GSE1: variants seen among roughly 807,000 people sequenced by gnomAD.
The protein encoded by GSE1 is Gse1 coiled-coil protein, also known as genetic suppressor element 1.
A neutral mutation model predicts 112.6 loss-of-function variants in GSE1; 32 were observed. That is an observed-to-expected ratio of 0.28 (90% CI 0.21 to 0.38). The LOEUF is 0.38. Ranked by LOEUF, GSE1 falls within the 10% of genes least tolerant of loss-of-function variation. The pLI is 1.00. For missense variants in GSE1, 2,348 were observed against 1,699.2 expected, an observed-to-expected ratio of 1.38 and a Z score of -6.71; for synonymous variants, 1,115 against 735.6, an observed-to-expected ratio of 1.52 and a Z score of -8.35.
At chr16:85,359,632 C>T (rs1269618386) in intron 2 of GSE1, among the ~76,000 whole-genome samples, 1 of 152,234 alleles carries the variant, frequency 6.6e-6, no homozygotes, top group Non-Finnish European at 1.5e-5. Context: ...GCCTTTTTCC[C>T]ACTCATGTTG....
At chr16:85,347,914 G>A (rs944422697) in intron 1 of GSE1, among the ~76,000 whole-genome samples, 1 of 152,188 alleles carries the variant, frequency 6.6e-6, no homozygotes, top group African/African-American at 2.4e-5. Context: ...AGCAGCCCTC[G>A]AGGCCTTGAA....
At chr16:85,415,733 G>A (rs895500180) in intron 2 of GSE1, among the ~76,000 whole-genome samples, 3 of 152,230 alleles carry the variant, frequency 2.0e-5, no homozygotes, top group Non-Finnish European at 2.9e-5. Context: ...AGAAACTTAC[G>A]GCTTGTTCCC....
intron 14 of GSE1, among the ~76,000 whole-genome samples, chr16:85,669,638 C>T (rs1161992285): frequency 6.6e-6 from 1 of 152,180 alleles, no homozygotes; most frequent in Non-Finnish European, 1.5e-5. Flanking sequence ...ATATTTCCAT[C>T]TTTGCTGGTT....
At chr16:85,472,217 A>T (rs983742724) in intron 2 of GSE1, among the ~76,000 whole-genome samples, 1 of 152,158 alleles carries the variant, frequency 6.6e-6, no homozygotes, top group Admixed American at 6.6e-5. Context: ...AATGACCATA[A>T]ACTGGGTAGC....
At position 85,661,269 on chromosome 16, in the gene GSE1, G is replaced by A; in HGVS notation, c.1764G>A (p.Val588=). The part of the protein sequence containing the change: ...HAAPTALWNP[V]SLMDNTLETR... ...CACCCACGGCCCTCTGGAACCCCGT[G>A]TCCCTGATGGACAACACCTTGGAGA... The change falls in exon 9 of 16, where the codon GTG becomes GTA. Residue 588 remains valine, a synonymous_variant. Transcript: ENST00000253458. The A allele has an allele frequency of 1.2e-6, 2 of 1,612,944 alleles. No homozygotes were observed. The highest frequency in any genetic ancestry group is 1.7e-6 in the Non-Finnish European group (2 of 1,179,990).
At chr16:85,637,763 G>A (rs904927962) in intron 2 of GSE1, among the ~76,000 whole-genome samples, 9 of 150,978 alleles carry the variant, frequency 6.0e-5, no homozygotes, top group Non-Finnish European at 1.3e-4. Flanking sequence ...GGGAGACCGG[G>A]CCTCTGTGAA....
intron 1 of GSE1, among the ~76,000 whole-genome samples, chr16:85,202,980 C>T (rs1244191804): frequency 1.1e-4 from 17 of 150,158 alleles, no homozygotes; most frequent in African/African-American, 3.9e-4. Context: ...TCCCTCCCCA[C>T]CTCTACCCCC....
At chr16:85,285,682 CAAAA>C (rs36070534) in intron 1 of GSE1, 37 of 69,818 alleles carry the variant, frequency 5.3e-4, no homozygotes, top group African/African-American at 1.0e-3. Context: ...AACTCTGTCT[CAAAA>C]AAAAAAAAAA....
rs539399992 is a variant in GSE1, at chr16:85,539,217, C to T, written c.2465-94697C>T. 3.9e-5 allele frequency among the ~76,000 whole-genome samples: 6 copies of T among 152,332 alleles called. No homozygotes were observed. The East Asian group carries it at 1.2e-3, about 29-fold the overall frequency. The stretch of plus-strand genomic sequence containing the variant: ...CCGTTTGAACAACAAATGCAAAAAG[C>T]CTGGATCTCTCCACCGCAGTGTCTA... On this transcript the variant is annotated intron_variant, in intron 2 of 2. Coordinates refer to the GSE1 transcript ENST00000637419.
chr16:85,455,625 A>C (rs1406461210), intron 2 of GSE1, among the ~76,000 whole-genome samples: 1 of 152,138 alleles, frequency 6.6e-6, no homozygotes, highest in Admixed American at 6.5e-5. Flanking sequence ...CCCCGTTTGG[A>C]ATTGATGGCT....
At chr16:85,327,706 AT>A (rs1296711844) in intron 1 of GSE1, among the ~76,000 whole-genome samples, 1 of 152,238 alleles carries the variant, frequency 6.6e-6, no homozygotes, top group Non-Finnish European at 1.5e-5. Context: ...TCTGGCACAC[AT>A]TGTGTTTGTT....
exon 1 of GSE1, chr16:85,170,375 T>G (rs1412850680): frequency 1.8e-5 from 18 of 985,214 alleles, no homozygotes; most frequent in Non-Finnish European, 2.2e-5. Context: ...GGCCCTCTTG[T>G]CCAAGAGGCC....
chr16:85,315,003 C>T (rs934275506), intron 1 of GSE1, among the ~76,000 whole-genome samples: 3 of 152,238 alleles, frequency 2.0e-5, no homozygotes, highest in Admixed American at 6.5e-5. Flanking sequence ...TGTTTGCAAT[C>T]AGGGCCAGCT....
intron 1 of GSE1, among the ~76,000 whole-genome samples, chr16:85,288,863 A>C (rs1302064005): frequency 6.6e-6 from 1 of 152,106 alleles, no homozygotes; most frequent in African/African-American, 2.4e-5. Flanking sequence ...GTGGGGGTAA[A>C]ATTCAGTCCC....
At chr16:85,628,025 G>A (rs1038709832) in intron 1 of GSE1, among the ~76,000 whole-genome samples, 1 of 152,162 alleles carries the variant, frequency 6.6e-6, no homozygotes, top group African/African-American at 2.4e-5. Context: ...TCCCCACCAG[G>A]CCTGGAGGGG....
At chr16:85,527,445 G>A (rs1288460632) in intron 2 of GSE1, among the ~76,000 whole-genome samples, 2 of 152,268 alleles carry the variant, frequency 1.3e-5, no homozygotes, top group South Asian at 4.1e-4. Context: ...CAGGGGTTGA[G>A]GACAAAGGCC....
At chr16:85,468,735 G>A (rs2050197234) in intron 2 of GSE1, among the ~76,000 whole-genome samples, 1 of 152,166 alleles carries the variant, frequency 6.6e-6, no homozygotes, top group Non-Finnish European at 1.5e-5. Flanking sequence ...AACAGATGTT[G>A]GCAAGAGTGG....
At chr16:85,430,891 G>A (rs977836603) in intron 2 of GSE1, among the ~76,000 whole-genome samples, 1 of 152,228 alleles carries the variant, frequency 6.6e-6, no homozygotes. Context: ...GCAGGTCAGC[G>A]TGAGGCCTGG....
At chr16:85,506,805 T>C (rs938571431) in intron 2 of GSE1, among the ~76,000 whole-genome samples, 11 of 152,206 alleles carry the variant, frequency 7.2e-5, no homozygotes, top group African/African-American at 2.6e-4. Flanking sequence ...CTGGGGGAAG[T>C]GATCATAGCA....
Sources: allele counts gnomAD v4.1 joint callset (sites outside exome capture counted in the v4.1 genomes callset), GRCh38; gene constraint gnomAD v4.1.1; transcripts MANE v1.5; gene names NCBI Gene and HGNC (gene_info 2026-07-23, HGNC 2026-07-21).